The following AHNAK variants were observed in gnomAD, a reference collection of about 807,000 sequenced individuals.
AHNAK encodes neuroblast differentiation-associated protein AHNAK.
A neutral mutation model predicts 37.8 loss-of-function variants in AHNAK; 23 were observed. That is an observed-to-expected ratio of 0.61 (90% confidence interval 0.44 to 0.86). The LOEUF is 0.86. Among genes scored for constraint, AHNAK ranks in the 40% least tolerant of loss-of-function variants. AHNAK has a pLI of 0.00. For synonymous variants in AHNAK, 2,481 were observed against 2,636.3 expected (o/e 0.94, Z 1.80); for missense variants, 7,411 against 7,319.4 (o/e 1.01, Z -0.46).
intron 4 of AHNAK, among the ~76,000 whole-genome samples, chr11:62,502,664 G>T (rs189631892): frequency 6.6e-6 from 1 of 152,112 alleles, no homozygotes; most frequent in African/African-American, 2.4e-5. Context: ...ATAGTGCTAA[G>T]AACAAAAAAG....
At chr11:62,495,548 T>C (rs1214983246) in intron 4 of AHNAK, among the ~76,000 whole-genome samples, 1 of 150,878 alleles carries the variant, frequency 6.6e-6, no homozygotes, top group African/African-American at 2.5e-5. Flanking sequence ...CTGGCCAACG[T>C]GGTGAAACCC....
chr11:62,520,289 T>C lies in AHNAK; in HGVS notation c.14128A>G (p.Lys4710Glu), dbSNP rs1367631942. The C allele has an allele frequency of 1.2e-6, 2 of 1,613,556 alleles. No homozygotes were observed. Among genetic ancestry groups the C allele is most frequent in the Non-Finnish European group, 1.7e-6 (2 of 1,179,914 alleles). The change falls in exon 5 of 5, where the codon AAG becomes GAG. Residue 4710 changes from lysine to glutamate, a missense_variant. Physicochemically the swap from Lys to Glu is moderately conservative, Grantham distance 56. Transcript: ENST00000378024. ...GCTTTGATGCTCATCTCAGGCATCT[T>C]GAACTTGGGGCCCTTTAGTTTCGCA... is the stretch of plus-strand genomic sequence containing the variant. ...PDAKLKGPKF[K>E]MPEMSIKAPK...
chr11:62,491,114 T>C (rs1305504889), intron 5 of AHNAK, among the ~76,000 whole-genome samples: 1 of 152,078 alleles, frequency 6.6e-6, no homozygotes, highest in Non-Finnish European at 1.5e-5. Context: ...ATGTTTGCAA[T>C]TACCTCCAAA....
At chr11:62,540,678 A>C (rs1941093383) in intron 1 of AHNAK, among the ~76,000 whole-genome samples, 2 of 152,306 alleles carry the variant, frequency 1.3e-5, no homozygotes, top group South Asian at 4.1e-4. Flanking sequence ...TTTAAATAAA[A>C]AAAGAAGGAG....
In AHNAK at chr11:62,531,264, T is replaced by C. The variant is rs116435570; in HGVS notation, c.3153A>G (p.Lys1051=). 5 of 1,613,598 alleles carry C rather than the reference T, an allele frequency of 3.1e-6. No homozygotes were observed. The highest frequency in any genetic ancestry group is 1.7e-4 in the Middle Eastern group (1 of 6,058). Residue 1051 remains lysine (K), a synonymous_variant, in exon 5 of 5, where the codon AAA becomes AAG. Coordinates refer to ENST00000378024, the MANE Select transcript of AHNAK (RefSeq NM_001620.3). ...TCTCAGGCATCTTAAACTTCGGGCC[T>C]TTCAACTTCCCTTCAGGTCCTTCAA... The part of the protein sequence containing the change: ...LSLEGPEGKL[K]GPKFKMPEMH...
chr11:62,497,546 T>C (rs1939632538), intron 4 of AHNAK, among the ~76,000 whole-genome samples: 1 of 152,224 alleles, frequency 6.6e-6, no homozygotes, highest in Non-Finnish European at 1.5e-5. Flanking sequence ...AGTTACTAAG[T>C]AACAGAAGAC....
chr11:62,434,141 T>A (rs1037343363), intron 5 of AHNAK, among the ~76,000 whole-genome samples: 9 of 152,206 alleles, frequency 5.9e-5, no homozygotes, highest in Admixed American at 2.0e-4. Context: ...GAAGCTTGCA[T>A]AAAGCCCGAG....
intron 5 of AHNAK, chr11:62,434,006 G>C (rs1356956411): frequency 1.8e-5 from 24 of 1,316,854 alleles, no homozygotes; most frequent in Non-Finnish European, 2.4e-5. Context: ...CCCACTCCTT[G>C]CTAGGGCATC....
At chr11:62,492,268 C>G (rs1393372373) in intron 4 of AHNAK, among the ~76,000 whole-genome samples, 1 of 152,180 alleles carries the variant, frequency 6.6e-6, no homozygotes, top group African/African-American at 2.4e-5. Context: ...CTCTGGGTAT[C>G]TTTTCTCCAA....
At position 62,529,513 on chromosome 11, in the gene AHNAK, T is replaced by G. The variant is rs201549858; in HGVS notation, c.4904A>C (p.Lys1635Thr). The G allele has an allele frequency of 1.2e-6, 2 of 1,614,134 alleles. No individual in the cohort carries two copies. Among genetic ancestry groups the G allele is most frequent in the East Asian group, 4.5e-5 (2 of 44,884 alleles). ...GDIDIEGPEGKLKGPKFKMPE... is the reference protein window; with the variant it reads ...GDIDIEGPEGTLKGPKFKMPE... ...CATCTTAAACTTGGGGCCCTTCAACTTCCCTTCTGGACCTTCAATATCAAT... is the reference window on the plus strand; with the variant it reads ...CATCTTAAACTTGGGGCCCTTCAACGTCCCTTCTGGACCTTCAATATCAAT... The change falls in exon 5 of 5, where the codon AAG becomes ACG. Residue 1635 changes from lysine to threonine, a missense_variant. Physicochemically the swap from Lys to Thr is moderately conservative, Grantham distance 78. Transcript: ENST00000378024.
intron 1 of AHNAK, chr11:62,546,153 G>C (rs961217601): frequency 6.5e-6 from 1 of 153,834 alleles, no homozygotes; most frequent in African/African-American, 2.4e-5. Flanking sequence ...TCGGGACGCG[G>C]TTAGGGGCAG....
intron 4 of AHNAK, among the ~76,000 whole-genome samples, chr11:62,493,395 A>G (rs1272697954): frequency 6.8e-6 from 1 of 146,212 alleles, no homozygotes; most frequent in Non-Finnish European, 1.5e-5. Flanking sequence ...CAGTGGCACA[A>G]TCTCACTGCA....
intron 5 of AHNAK, among the ~76,000 whole-genome samples, chr11:62,435,343 T>G (rs1238309216): frequency 2.0e-5 from 3 of 152,228 alleles, no homozygotes; most frequent in Non-Finnish European, 4.4e-5. Context: ...AGGGCAAAGG[T>G]GCTAAGCCTC....
rs771080738 is a variant in AHNAK at position 62,520,940 on chromosome 11, C to T, written c.13477G>A (p.Val4493Ile). ...KVESDLKGPE[V>I]DIEGPEGKLK... The stretch of plus-strand genomic sequence containing the variant: ...TTCCCTTCAGGACCTTCAATGTCTA[C>T]CTCTGGCCCTTTCAGATCACTTTCC... Residue 4493 changes from valine (V) to isoleucine (I), a missense_variant, in exon 5 of 5, where the codon GTA (valine) becomes ATA (isoleucine). Val to Ile is a conservative substitution (Grantham distance 29, BLOSUM62 3). Transcript: ENST00000378024. 1.9e-6 allele frequency: 3 copies of T among 1,614,164 alleles called. No individual in the cohort carries two copies. Among genetic ancestry groups the T allele is most frequent in the Non-Finnish European group, 1.7e-6 (2 of 1,180,034 alleles).
intron 4 of AHNAK, among the ~76,000 whole-genome samples, chr11:62,507,562 G>A (rs1018282974): frequency 8.5e-5 from 13 of 152,112 alleles, no homozygotes; most frequent in African/African-American, 2.2e-4. Context: ...AGGCCAAGGC[G>A]GGCAGATCAC....
Position 62,534,047 on chromosome 11 carries a change from T to C in AHNAK, c.370A>G (p.Ile124Val), listed in dbSNP as rs1408025777. 1 of 1,561,836 alleles carries C rather than the reference T, an allele frequency of 6.4e-7. No individual in the cohort carries two copies. The highest frequency in any genetic ancestry group is 8.7e-7 in the Non-Finnish European group (1 of 1,152,728). ...LSGDDEEYQR[I>V]YTTKIKPRLK... ...CGTGGCTTGATCTTCGTGGTGTAGA[T>C]GCGCTGGTACTCCTCATCATCCCCG... The change falls in exon 5 of 5, where the codon ATC becomes GTC. Residue 124 changes from isoleucine to valine, a missense_variant. Ile to Val is a conservative substitution (Grantham distance 29). Coordinates refer to ENST00000378024, the MANE Select transcript of AHNAK (RefSeq NM_001620.3).
At position 62,518,666 on chromosome 11, in the gene AHNAK, C is replaced by A; in HGVS notation, c.15751G>T (p.Gly5251Trp). 2.5e-6 allele frequency: 4 copies of A among 1,614,194 alleles called. No individual in the cohort carries two copies. The highest frequency in any genetic ancestry group is 3.4e-6 in the Non-Finnish European group (4 of 1,180,030). Residue 5251 changes from glycine (G) to tryptophan (W), a missense_variant, in exon 5 of 5, where the codon GGG becomes TGG. Gly to Trp is a radical substitution (Grantham distance 184). Coordinates refer to ENST00000378024, the MANE Select transcript of AHNAK (RefSeq NM_001620.3). ...AGCTGGGCATGGACCTCGGCTCCCC[C>A]ACCCTCCATTTTCACACCTGGGATG... ...IGIPGVKMEG[G>W]GAEVHAQLPS...
At position 62,523,074 on chromosome 11, in the gene AHNAK, G is replaced by C; in HGVS notation, c.11343C>G (p.Ile3781Met). The C allele has an allele frequency of 3.7e-6, 6 of 1,613,956 alleles. No individual in the cohort carries two copies. The highest frequency in any genetic ancestry group is 4.2e-6 in the Non-Finnish European group (5 of 1,179,984). ...CATTAATGTCCACTTTGGGGCCCTTGATGTCAACTTCAGGACCCTTGAGGT... is the reference window on the plus strand; with the variant it reads ...CATTAATGTCCACTTTGGGGCCCTTCATGTCAACTTCAGGACCCTTGAGGT... ...EGDLKGPEVD[I>M]KGPKVDINAP... Residue 3781 changes from isoleucine to methionine, a missense_variant, in exon 5 of 5, where the codon ATC becomes ATG. Physicochemically the swap from Ile to Met is conservative, Grantham distance 10 (BLOSUM62 1). Transcript: ENST00000378024.
At chr11:62,543,725 A>G (rs1941206896) in intron 1 of AHNAK, among the ~76,000 whole-genome samples, 1 of 152,190 alleles carries the variant, frequency 6.6e-6, no homozygotes, top group African/African-American at 2.4e-5. Context: ...AGCCCAGGGA[A>G]ATGCCAGCCT....
Sources: allele counts gnomAD v4.1 joint callset (sites outside exome capture counted in the v4.1 genomes callset), GRCh38; gene constraint gnomAD v4.1.1; transcripts MANE v1.5; gene names NCBI Gene and HGNC (gene_info 2026-07-23, HGNC 2026-07-21).